Variants in CNKSR2 observed in about 807,000 individuals in gnomAD.
CNKSR2 encodes CNK homolog protein 2.
In CNKSR2, 14 loss-of-function variants were observed where a neutral mutation model predicts 84.4. That is an observed-to-expected ratio of 0.17 (90% confidence interval 0.11 to 0.26). The LOEUF (loss-of-function observed/expected upper bound fraction) is 0.26. CNKSR2 is among the 10% of genes least tolerant of loss of function. The probability of loss-of-function intolerance (pLI) is 1.00; values close to 1 mark genes in which losing one functional copy is unlikely to be tolerated. For synonymous variants in CNKSR2, 275 were observed against 277.9 expected (o/e 0.99, Z 0.10); for missense variants, 485 against 771.2 (o/e 0.63, Z 4.40).
At chrX:21,471,318 G>A (rs5951596) in intron 5 of CNKSR2, among the ~76,000 whole-genome samples, 4,301 of 111,851 alleles carry the variant, frequency 0.038, 219 homozygotes, top group African/African-American at 0.13. Flanking sequence ...TGGGCTACGC[G>A]TACATTATAC....
chrX:21,475,639 G>T (rs970100371), intron 5 of CNKSR2, among the ~76,000 whole-genome samples: 1 of 111,159 alleles, frequency 9.0e-6, no homozygotes, highest in African/African-American at 3.3e-5. Context: ...TGAGATAGGC[G>T]CTAGAACATC....
At chrX:21,450,065 C>CTGTGTG (rs112215037) in intron 4 of CNKSR2, among the ~76,000 whole-genome samples, 2 of 107,263 alleles carry the variant, frequency 1.9e-5, no homozygotes, top group South Asian at 7.9e-4. Flanking sequence ...TGTGTTTGTA[C>CTGTGTG]TGTGTGTGTG....
intron 1 of CNKSR2, among the ~76,000 whole-genome samples, chrX:21,404,646 G>A (rs986827748): frequency 5.4e-4 from 58 of 107,520 alleles, no homozygotes; most frequent in Non-Finnish European, 1.0e-3. Context: ...AAAACTAGTC[G>A]GGCATGGTGA....
At chrX:21,535,052 T>A (rs2147129189) in intron 11 of CNKSR2, among the ~76,000 whole-genome samples, 1 of 111,585 alleles carries the variant, frequency 9.0e-6, no homozygotes, top group South Asian at 3.7e-4. Context: ...GAGTTGATTG[T>A]GTACATGGTG....
At chrX:21,481,445 C>T (rs1480568686) in intron 5 of CNKSR2, among the ~76,000 whole-genome samples, 1 of 111,468 alleles carries the variant, frequency 9.0e-6, no homozygotes, top group Non-Finnish European at 1.9e-5. Context: ...TTTCCTTTGG[C>T]ATTCATGGTA....
chrX:21,376,538 G>A (rs967166399), intron 1 of CNKSR2, among the ~76,000 whole-genome samples: 2 of 111,536 alleles, frequency 1.8e-5, no homozygotes, highest in Non-Finnish European at 3.8e-5. Context: ...CTTTGCTGCT[G>A]CTTTTTCTCT....
At chrX:21,588,658 T>A (rs1200356862) in intron 13 of CNKSR2, among the ~76,000 whole-genome samples, 2 of 111,781 alleles carry the variant, frequency 1.8e-5, no homozygotes, top group African/African-American at 6.5e-5. Flanking sequence ...AAGATAATCT[T>A]GTTAAAAAGA....
intron 11 of CNKSR2, among the ~76,000 whole-genome samples, chrX:21,546,819 C>T (rs1326524060): frequency 4.5e-5 from 5 of 111,777 alleles, no homozygotes; most frequent in Non-Finnish European, 9.4e-5. Flanking sequence ...ATTTCATATT[C>T]AGCCAAACTA....
chrX:21,502,263 G>T (rs2091567017), intron 8 of CNKSR2, among the ~76,000 whole-genome samples: 1 of 99,188 alleles, frequency 1.0e-5, no homozygotes, highest in Non-Finnish European at 2.1e-5. Flanking sequence ...GATTTTTAAG[G>T]GTTATTTTTC....
chrX:21,597,033 C>A (rs151071877), intron 17 of CNKSR2, among the ~76,000 whole-genome samples: 234 of 111,504 alleles, frequency 2.1e-3, no homozygotes, highest in African/African-American at 6.9e-3. Context: ...TTCATCATGA[C>A]CACACTGAAA....
chrX:21,552,547 G>A (rs777364160), intron 11 of CNKSR2, among the ~76,000 whole-genome samples: 3 of 111,997 alleles, frequency 2.7e-5, no homozygotes, highest in African/African-American at 9.7e-5. Flanking sequence ...TGTGTCTTAA[G>A]TTCCAAACAG....
chrX:21,481,220 C>G (rs1044173556), intron 5 of CNKSR2, among the ~76,000 whole-genome samples: 2 of 111,244 alleles, frequency 1.8e-5, no homozygotes, highest in African/African-American at 3.3e-5. Flanking sequence ...TTATTTTTGT[C>G]CCAATTGTAT....
At chrX:21,401,299 A>T (rs1450053865) in intron 1 of CNKSR2, among the ~76,000 whole-genome samples, 3 of 111,469 alleles carry the variant, frequency 2.7e-5, no homozygotes, top group Non-Finnish European at 5.7e-5. Flanking sequence ...TTTTAATGTT[A>T]TGTGGTTAAA....
intron 20 of CNKSR2, among the ~76,000 whole-genome samples, chrX:21,614,313 G>T (rs1004267531): frequency 9.0e-5 from 10 of 111,477 alleles, no homozygotes; most frequent in African/African-American, 3.3e-4. Context: ...GGAAGAAAAG[G>T]AACAAGTTGA....
At chrX:21,381,025 A>T (rs997219348) in intron 1 of CNKSR2, among the ~76,000 whole-genome samples, 27 of 112,093 alleles carry the variant, frequency 2.4e-4, no homozygotes, top group Middle Eastern at 4.6e-3. Flanking sequence ...GTGTTGAATT[A>T]CATTCGGTGA....
At chrX:21,590,510 G>T in intron 13 of CNKSR2, 62 bp from the exon 14 acceptor site, 1 of 1,049,966 alleles carries the variant, frequency 9.5e-7, no homozygotes, top group Non-Finnish European at 1.3e-6. Flanking sequence ...TCTGTGTAGC[G>T]TGCTGGTGCT....
At chrX:21,533,603 G>A (rs2091903447) in intron 11 of CNKSR2, among the ~76,000 whole-genome samples, 1 of 111,197 alleles carries the variant, frequency 9.0e-6, no homozygotes, top group South Asian at 3.7e-4. Flanking sequence ...ACATTTTAAA[G>A]CCCCTAATGC....
At chrX:21,541,578 A>G (rs2091977395) in intron 11 of CNKSR2, among the ~76,000 whole-genome samples, 1 of 111,722 alleles carries the variant, frequency 9.0e-6, no homozygotes, top group African/African-American at 3.3e-5. Context: ...ACAATGAGGA[A>G]GAAGATGGTT....
intron 20 of CNKSR2, 22 bp downstream of exon 20, chrX:21,609,639 C>A: frequency 8.6e-7 from 1 of 1,159,661 alleles, no homozygotes. Flanking sequence ...TCTGGAGATT[C>A]TTAGCCTGTG....
Sources: allele counts gnomAD v4.1 joint callset (sites outside exome capture counted in the v4.1 genomes callset), GRCh38; gene constraint gnomAD v4.1.1; transcripts MANE v1.5; gene names NCBI Gene and HGNC (gene_info 2026-07-23, HGNC 2026-07-21).